The following DNAH7 variants were observed in gnomAD, a reference collection of about 807,000 sequenced individuals.
The protein encoded by DNAH7 is dynein axonemal heavy chain 7, also known as axonemal beta dynein heavy chain 7.
Under a neutral mutation model 444.6 loss-of-function variants are expected in DNAH7, and 397 were observed. The observed-to-expected ratio is 0.89, with a 90% CI of 0.82 to 0.97. DNAH7 has a LOEUF of 0.97. DNAH7 is among the 50% of genes least tolerant of loss of function. The pLI, the probability that DNAH7 is intolerant of heterozygous loss-of-function variation, is 0.00. For missense variants in DNAH7, 4,902 were observed against 4,800.8 expected (o/e 1.02, Z -0.62); for synonymous variants, 1,636 against 1,624.4 (o/e 1.01, Z -0.17).
At position 195,864,691 on chromosome 2, in the gene DNAH7, G is replaced by T; in HGVS notation, c.6964C>A (p.His2322Asn). 2 of 1,614,158 alleles carry T rather than the reference G, an allele frequency of 1.2e-6. No homozygotes were observed. The highest frequency in any genetic ancestry group is 4.5e-5 in the East Asian group (2 of 44,880). The part of the protein sequence containing the change: ...NLVLFRFAIE[H>N]ISRISRILKQ... The stretch of plus-strand genomic sequence containing the variant: ...AGGATCCTGGAAATTCTGCTGATGT[G>T]CTCTATGGCAAATCGAAACAAGACA... The change falls in exon 41 of 65, where the codon CAC (histidine) becomes AAC (asparagine). Residue 2322 changes from histidine to asparagine, a missense_variant. By Grantham distance (68) the His-to-Asn change is moderately conservative (BLOSUM62 1). Coordinates refer to ENST00000312428, the MANE Select transcript of DNAH7 (RefSeq NM_018897.3).
intron 40 of DNAH7, among the ~76,000 whole-genome samples, chr2:195,871,418 C>G (rs759061785): frequency 4.6e-5 from 7 of 152,172 alleles, no homozygotes; most frequent in Non-Finnish European, 8.8e-5. Flanking sequence ...CCCGCCTCAG[C>G]CTCCTGAAGT....
At chr2:196,017,695 T>C (rs1695119189) in intron 9 of DNAH7, among the ~76,000 whole-genome samples, 1 of 137,824 alleles carries the variant, frequency 7.3e-6, no homozygotes. Context: ...GATCGCTCCA[T>C]TAAGGGGGAA....
chr2:195,818,701 C>T (rs1559118905), intron 49 of DNAH7, among the ~76,000 whole-genome samples: 1 of 152,110 alleles, frequency 6.6e-6, no homozygotes, highest in Non-Finnish European at 1.5e-5. Context: ...CCTGCCTCTG[C>T]ACACTCATCC....
chr2:195,806,697 A>G (rs1370953763), intron 54 of DNAH7, 43 bp downstream of exon 54: 4 of 1,554,036 alleles, frequency 2.6e-6, no homozygotes, highest in Non-Finnish European at 2.7e-6. Context: ...GAGCAGGCAT[A>G]AGGCTTTGGA....
At chr2:195,863,770 C>T (rs1040930249) in intron 41 of DNAH7, among the ~76,000 whole-genome samples, 2 of 152,128 alleles carry the variant, frequency 1.3e-5, no homozygotes, top group African/African-American at 2.4e-5. Context: ...TGCTATTGCT[C>T]CACCTACCAC....
At chr2:195,823,098 T>C (rs1469115451) in intron 49 of DNAH7, among the ~76,000 whole-genome samples, 1 of 152,216 alleles carries the variant, frequency 6.6e-6, no homozygotes, top group Non-Finnish European at 1.5e-5. Context: ...CCCCAATCTA[T>C]GGCCTTAACT....
intron 10 of DNAH7, among the ~76,000 whole-genome samples, chr2:196,008,730 T>C (rs756634164): frequency 9.9e-5 from 15 of 152,112 alleles, no homozygotes; most frequent in Non-Finnish European, 1.9e-4. Context: ...GGGAAATTCA[T>C]AGAGACAAAA....
intron 27 of DNAH7, among the ~76,000 whole-genome samples, chr2:195,906,449 CTTTCTT>C (rs1004683136): frequency 8.5e-5 from 11 of 129,108 alleles, no homozygotes; most frequent in African/African-American, 2.9e-4. Context: ...TATTTTCTTT[CTTTCTT>C]TTTTTTTTTT....
intron 5 of DNAH7, among the ~76,000 whole-genome samples, chr2:196,045,251 AAAG>A (rs1410014953): frequency 2.7e-5 from 4 of 150,650 alleles, no homozygotes; most frequent in East Asian, 1.9e-4. Context: ...GAGGGAAGAA[AAAG>A]AAGAAGGGAA....
intron 1 of DNAH7, chr2:196,068,444 T>C (rs1410800066): frequency 1.8e-6 from 1 of 549,056 alleles, no homozygotes; most frequent in East Asian, 3.1e-5. Context: ...GGGCTGTGGC[T>C]CCCCCTGCTG....
At chr2:195,994,687 C>A (rs1231419007) in intron 12 of DNAH7, 2 of 510,740 alleles carry the variant, frequency 3.9e-6, no homozygotes, top group African/African-American at 2.0e-5. Context: ...TCTGGAGGGG[C>A]TTTCACAACT....
chr2:196,034,352 A>C (rs1696250395), intron 5 of DNAH7, among the ~76,000 whole-genome samples: 1 of 152,236 alleles, frequency 6.6e-6, no homozygotes. Context: ...CTACACAAAA[A>C]TGTATATAAA....
chr2:195,747,045 TAATG>T (rs1693460181), intron 63 of DNAH7, among the ~76,000 whole-genome samples: 1 of 152,166 alleles, frequency 6.6e-6, no homozygotes, highest in East Asian at 1.9e-4. Flanking sequence ...TTCAAAAAAT[TAATG>T]AATCCAGGAG....
Position 195,934,108 on chromosome 2 carries a change from GTA to G in DNAH7, c.3471+481_3471+482del, listed in dbSNP as rs564997048. 1.1e-3 allele frequency among the ~76,000 whole-genome samples: 170 copies of G among 152,094 alleles called. 2 individuals carry two copies. Among genetic ancestry groups the G allele is most frequent in the African/African-American group, 3.9e-3 (162 of 41,522 alleles). On this transcript the variant is annotated intron_variant, in intron 21 of 64. Coordinates refer to ENST00000312428, the MANE Select transcript of DNAH7 (RefSeq NM_018897.3). Reference sequence around the variant, plus strand: ...GTAATCACAAATGATTGAGCTCACAGTATGTTTCATGAAATGTGGAAAATATG... The same window carrying G: ...GTAATCACAAATGATTGAGCTCACAGTGTTTCATGAAATGTGGAAAATATG...
chr2:195,870,341 A>G (rs1700602872), intron 40 of DNAH7, among the ~76,000 whole-genome samples: 2 of 152,174 alleles, frequency 1.3e-5, no homozygotes, highest in Admixed American at 6.5e-5. Flanking sequence ...GGATGGCCCA[A>G]AGCAAGCTTG....
At chr2:195,745,506 G>A (rs1024415938) in intron 63 of DNAH7, among the ~76,000 whole-genome samples, 54 of 152,082 alleles carry the variant, frequency 3.6e-4, no homozygotes, top group East Asian at 3.8e-4. Flanking sequence ...TACAGAGAAC[G>A]CCACAAAGAT....
intron 47 of DNAH7, among the ~76,000 whole-genome samples, chr2:195,838,729 G>T (rs944612959): frequency 6.6e-6 from 1 of 151,800 alleles, no homozygotes; most frequent in African/African-American, 2.4e-5. Flanking sequence ...TATATTAAAA[G>T]TAAAATGATG....
At chr2:195,766,475 G>A (rs1364883514) in intron 61 of DNAH7, among the ~76,000 whole-genome samples, 1 of 151,984 alleles carries the variant, frequency 6.6e-6, no homozygotes. Context: ...GGCCATGGAA[G>A]CTAAATATTA....
intron 23 of DNAH7, among the ~76,000 whole-genome samples, chr2:195,922,737 C>CTA (rs1264787638): frequency 6.6e-6 from 1 of 152,142 alleles, no homozygotes; most frequent in African/African-American, 2.4e-5. Context: ...CCAATAGGCC[C>CTA]TATCTTGCCC....
Sources: gnomAD v4.1 joint callset for allele counts (sites outside exome capture counted in the v4.1 genomes callset) on GRCh38, gnomAD v4.1.1 for gene constraint, MANE v1.5 for transcripts, NCBI Gene and HGNC (gene_info 2026-07-23, HGNC 2026-07-21) for gene names.